KCNQ2: variants seen among roughly 807,000 people sequenced by gnomAD.
The protein encoded by KCNQ2 is potassium voltage-gated channel subfamily Q member 2, also known as potassium voltage-gated channel subfamily KQT member 2.
In KCNQ2, 14 loss-of-function variants were observed where a neutral mutation model predicts 84.8. That is an observed-to-expected ratio of 0.17 (90% CI 0.11 to 0.26). KCNQ2 has a LOEUF of 0.26. Ranked by LOEUF, KCNQ2 falls within the 10% of genes least tolerant of loss-of-function variation. The pLI is 1.00. For synonymous variants in KCNQ2, 599 were observed against 554.1 expected (o/e 1.08, Z -1.14); for missense variants, 788 against 1,254.0 (o/e 0.63, Z 5.61).
chr20:63,408,221 C>A lies in KCNQ2; in HGVS notation c.1887+192G>T. The A allele has an allele frequency of 1.4e-6, 1 of 705,098 alleles. No homozygotes were observed. The highest frequency in any genetic ancestry group is 1.8e-5 in the African/African-American group (1 of 56,094). The allele number at this position is 705,098 out of a possible 1,614,324, so 43.7% of individuals were successfully genotyped here. A position where few individuals can be genotyped will look rare whatever the true frequency, so the allele number is the denominator to read the frequency against. ...ACTGTCAGGAGGGAAGGCACCCAGGCCGGGGGTGGGAGGCTCACGGTGGGG... is the reference window on the plus strand; with the variant it reads ...ACTGTCAGGAGGGAAGGCACCCAGGACGGGGGTGGGAGGCTCACGGTGGGG... On this transcript the variant is annotated intron_variant, in intron 16 of 16. Coordinates refer to ENST00000359125, the MANE Select transcript of KCNQ2 (RefSeq NM_172107.4). The surrounding 1 kb of genome is among the most constrained non-coding windows in gnomAD (Gnocchi z 5.0).
chr20:63,427,008 G>A (rs1189181735), intron 10 of KCNQ2, among the ~76,000 whole-genome samples: 2 of 152,220 alleles, frequency 1.3e-5, no homozygotes, highest in Non-Finnish European at 2.9e-5. Context: ...AGCCCTTGAG[G>A]TCAGGAGCTT....
rs571592764 is a variant in KCNQ2 at position 63,412,057 on chromosome 20, C to T, written c.1763+1393G>A. 7.1e-6 allele frequency: 4 copies of T among 563,970 alleles called. No individual in the cohort carries two copies. In the South Asian group the frequency reaches 8.4e-5, roughly 12 times the overall value. The allele number at this position is 563,970 out of a possible 1,614,324, so 34.9% of individuals were successfully genotyped here. ...CGCTGGACCTTGGATTTGCCAAGTC[C>T]TTCCCGTGTTTCAAGCAAAGCTTTT... On this transcript the variant is annotated intron_variant, in intron 15 of 16. Coordinates refer to ENST00000359125, the MANE Select transcript of KCNQ2 (RefSeq NM_172107.4).
chr20:63,418,397 A>G (rs1038193051), intron 12 of KCNQ2, among the ~76,000 whole-genome samples: 1 of 152,202 alleles, frequency 6.6e-6, no homozygotes, highest in African/African-American at 2.4e-5. Flanking sequence ...CGGTGCCCGC[A>G]GGAAACAGGA....
At chr20:63,421,710 T>C (rs981786646) in intron 11 of KCNQ2, among the ~76,000 whole-genome samples, 1 of 151,842 alleles carries the variant, frequency 6.6e-6, no homozygotes, top group Admixed American at 6.5e-5. Flanking sequence ...CGCACAGGCA[T>C]GAGGGGGCAG....
At chr20:63,466,693 A>C (rs2082091502) in intron 1 of KCNQ2, 1 of 152,206 alleles carries the variant, frequency 6.6e-6, no homozygotes, top group Admixed American at 6.5e-5. Flanking sequence ...GCAGACAAGG[A>C]AACTCGGGTC....
rs370089050 is a variant in KCNQ2 at position 63,406,689 on chromosome 20, G to A, written c.2574C>T (p.Gly858=). Residue 858 remains glycine, a synonymous_variant, in exon 17 of 17, where the codon GGC becomes GGT. Transcript: ENST00000359125. ...AGCCCACGTCACCAAAGGGACCCTC[G>A]CCGGTGGCCGAGCGTGGCGGGGGCC... ...PCGPPPRSAT[G]EGPFGDVGWA... is the part of the protein sequence containing the mutation. The A allele has an allele frequency of 2.7e-5, 44 of 1,605,540 alleles. 1 individual carries two copies. Among genetic ancestry groups the A allele is most frequent in the South Asian group, 2.7e-4 (24 of 90,406 alleles).
intron 15 of KCNQ2, chr20:63,413,147 A>C: frequency 9.1e-6 from 4 of 438,346 alleles, no homozygotes; most frequent in Non-Finnish European, 1.3e-5. Context: ...CCTGTGCAGA[A>C]GCATACATGT....
intron 1 of KCNQ2, among the ~76,000 whole-genome samples, chr20:63,468,752 G>A (rs6122460): frequency 0.094 from 14,288 of 152,278 alleles, 890 homozygotes; most frequent in East Asian, 0.17. Context: ...CCTCCCCGGT[G>A]CCAGATTTCC....
chr20:63,465,666 C>G (rs2082061485), intron 1 of KCNQ2, among the ~76,000 whole-genome samples: 1 of 152,240 alleles, frequency 6.6e-6, no homozygotes, highest in Non-Finnish European at 1.5e-5. Context: ...CTCCTTCGAC[C>G]TTGCATCTGT....
intron 7 of KCNQ2, among the ~76,000 whole-genome samples, chr20:63,437,695 A>C (rs1001486524): frequency 6.6e-6 from 1 of 152,260 alleles, no homozygotes; most frequent in Non-Finnish European, 1.5e-5. Context: ...GAGAGAGCCT[A>C]TAGCCACATT....
Position 63,421,112 on chromosome 20 carries a change from A to G in KCNQ2, c.1248-1440T>C, listed in dbSNP as rs552636860. On this transcript the variant is annotated intron_variant, in intron 11 of 16. Transcript: ENST00000359125. ...ACCTTCCCCACCCCAGGGAAAGAGC[A>G]TGAAGGAGGCAGGGTCCCGCTTCCC... is the stretch of plus-strand genomic sequence containing the variant. Among the ~76,000 whole-genome samples the G allele has an allele frequency of 2.7e-3, 415 of 152,170 alleles. 2 individuals carry two copies. The highest frequency in any genetic ancestry group is 9.4e-3 in the African/African-American group (391 of 41,528).
chr20:63,408,570 G>T lies in KCNQ2; in HGVS notation c.1764-34C>A, dbSNP rs777546017. 6.2e-7 allele frequency: 1 copy of T among 1,606,798 alleles called. No homozygotes were observed. The highest frequency in any genetic ancestry group is 2.2e-5 in the East Asian group (1 of 44,688). ...AACAGAGACCCCAAAGCATGAGTTC[G>T]GGTGGGTGCAGCAGGGCCCCTGCCC... is the stretch of plus-strand genomic sequence containing the variant. On this transcript the variant is annotated intron_variant, in intron 15 of 16. Coordinates refer to ENST00000359125, the MANE Select transcript of KCNQ2 (RefSeq NM_172107.4). The surrounding 1 kb of genome is among the most constrained non-coding windows in gnomAD (Gnocchi z 5.0).
rs200448016 is a variant in KCNQ2, at chr20:63,442,545, G to A, written c.691-14C>T. The A allele has an allele frequency of 6.2e-5, 100 of 1,611,616 alleles. No homozygotes were observed. The highest frequency in any genetic ancestry group is 2.0e-4 in the South Asian group (18 of 90,994). On this transcript the variant is annotated splice_polypyrimidine_tract_variant and intron_variant, in intron 4 of 16. Transcript: ENST00000359125. ...AGTGACCAGCTCCTGAGAGGCAGAC[G>A]GCACCACCATCATGACCACCATCAC...
Position 63,403,969 on chromosome 20 carries a change from G to GC in KCNQ2, c.*2674dup, listed in dbSNP as rs1385703105. The GC allele has an allele frequency of 2.6e-5, 4 of 152,278 alleles. No homozygotes were observed. Among genetic ancestry groups the GC allele is most frequent in the Non-Finnish European group, 5.9e-5 (4 of 68,096 alleles). The allele number at this position is 152,278 out of a possible 1,614,324, so 9.4% of individuals were successfully genotyped here. A position where few individuals can be genotyped will look rare whatever the true frequency, so the allele number is the denominator to read the frequency against. On this transcript the variant is annotated 3_prime_UTR_variant, in exon 17 of 17. Transcript: ENST00000359125. ...ACTGCTCAGGCTAGAGTCTGGGGGG[G>GC]CCCAAGACAGACCCTCTACCCCTTT...
chr20:63,419,574 G>A, intron 12 of KCNQ2, 45 bp downstream of exon 12: 1 of 1,574,806 alleles, frequency 6.3e-7, no homozygotes, highest in Non-Finnish European at 8.6e-7. Context: ...AGGGGCAGAG[G>A]AGCCGTGCAG....
rs542166308 is a variant in KCNQ2 at position 63,433,022 on chromosome 20, C to A, written c.1118+787G>T. On this transcript the variant is annotated intron_variant, in intron 8 of 16. Transcript: ENST00000359125. Reference sequence around the variant, plus strand: ...GGGCGGGCGGGCAAGGTGGTGCCCACACAGACGGACTCGAGGGGTCAGGCC... The same window carrying A: ...GGGCGGGCGGGCAAGGTGGTGCCCAAACAGACGGACTCGAGGGGTCAGGCC... Among the ~76,000 whole-genome samples, 28 of 152,320 alleles carry A rather than the reference C, an allele frequency of 1.8e-4. No homozygotes were observed. The South Asian group carries it at 5.8e-3, about 32-fold the overall frequency.
intron 14 of KCNQ2, among the ~76,000 whole-genome samples, 197 bp from the exon 15 acceptor site, chr20:63,413,778 G>T (rs539234812): frequency 6.6e-6 from 1 of 152,300 alleles, no homozygotes; most frequent in Admixed American, 6.5e-5. Context: ...GGGCTTGCAG[G>T]CCTGGCCATG....
intron 1 of KCNQ2, among the ~76,000 whole-genome samples, chr20:63,456,565 G>A (rs2081804077): frequency 6.6e-6 from 1 of 152,224 alleles, no homozygotes; most frequent in Non-Finnish European, 1.5e-5. Context: ...GACAGAGCCA[G>A]GGTTGGGTCA....
chr20:63,418,262 C>T (rs528524847), intron 12 of KCNQ2, among the ~76,000 whole-genome samples: 136 of 152,366 alleles, frequency 8.9e-4, no homozygotes, highest in African/African-American at 3.1e-3. Flanking sequence ...CCTCTGTGTG[C>T]GAGGGGCGTC....
Sources: allele counts gnomAD v4.1 joint callset (sites outside exome capture counted in the v4.1 genomes callset), GRCh38; gene constraint gnomAD v4.1.1; non-coding constraint Gnocchi (gnomAD v3.1); transcripts MANE v1.5; gene names NCBI Gene and HGNC (gene_info 2026-07-23, HGNC 2026-07-21).